DUXA: variants seen among roughly 807,000 people sequenced by gnomAD.
DUXA encodes double homeobox A.
In DUXA, 25 loss-of-function variants were observed where a neutral mutation model predicts 27.5. That is an observed-to-expected ratio of 0.91 (90% CI 0.66 to 1.27). The LOEUF is 1.27. Among genes scored for constraint, DUXA ranks in the 50% most tolerant of loss-of-function variants. DUXA has a pLI of 0.00. For missense variants in DUXA, 247 were observed against 242.9 expected (o/e 1.02, Z -0.11); for synonymous variants, 90 against 80.5 (o/e 1.12, Z -0.63).
intron 4 of DUXA, among the ~76,000 whole-genome samples, chr19:57,157,462 G>T (rs951639662): frequency 2.6e-5 from 4 of 152,010 alleles, no homozygotes; most frequent in African/African-American, 9.7e-5. Context: ...CTGCCAAGTA[G>T]CTGGGACAAC....
chr19:57,163,254 G>A (rs532333067), intron 1 of DUXA, among the ~76,000 whole-genome samples: 12 of 151,848 alleles, frequency 7.9e-5, no homozygotes, highest in East Asian at 3.9e-4. Flanking sequence ...CTGACCCTCC[G>A]GTCTAAGGCA....
At chr19:57,164,580 AAAT>A (rs2087041684) in intron 1 of DUXA, among the ~76,000 whole-genome samples, 4 of 152,184 alleles carry the variant, frequency 2.6e-5, no homozygotes, top group South Asian at 2.1e-4. Context: ...CGTCTCAAAA[AAAT>A]AAAATTAAAA....
chr19:57,163,766 G>C (rs1232994140), intron 1 of DUXA, among the ~76,000 whole-genome samples: 5 of 152,168 alleles, frequency 3.3e-5, no homozygotes, highest in Non-Finnish European at 7.3e-5. Flanking sequence ...TTGTCACATG[G>C]AGTCTGAAAA....
chr19:57,161,395 G>T (rs908846731), intron 1 of DUXA, among the ~76,000 whole-genome samples: 10 of 146,150 alleles, frequency 6.8e-5, no homozygotes, highest in Non-Finnish European at 1.5e-4. Flanking sequence ...AGGCCGAGGC[G>T]GGCGGATCAC....
At chr19:57,165,324 A>ATATATATATATATATATATATATATATGT (rs1555759590) in intron 1 of DUXA, among the ~76,000 whole-genome samples, 2 of 89,268 alleles carry the variant, frequency 2.2e-5, no homozygotes, top group East Asian at 3.1e-4. Flanking sequence ...AAAAAAAAAA[A>ATATATATATATATATATATATATATATGT]ATATATATAT....
chr19:57,154,710 C>T (rs2086983062), intron 5 of DUXA, among the ~76,000 whole-genome samples: 1 of 152,050 alleles, frequency 6.6e-6, no homozygotes, highest in Non-Finnish European at 1.5e-5. Context: ...ACTACAGGCG[C>T]CCGCCACCAC....
At chr19:57,161,329 A>AAAAAAAAAAAAAAAAAAAAAC in intron 1 of DUXA, among the ~76,000 whole-genome samples, 1 of 140,990 alleles carries the variant, frequency 7.1e-6, no homozygotes, top group African/African-American at 2.7e-5. Context: ...TATCTCAAAA[A>AAAAAAAAAAAAAAAAAAAAAC]AAAAAAAAAA....
rs2087007818 is a variant in DUXA, at chr19:57,159,209, T to C, written c.250A>G (p.Ser84Gly). ...KRPEAETLES[S>G]QSQGQDQPGV... Reference sequence around the variant, plus strand: ...GGTTGATCTTGCCCCTGGCTCTGGCTTGATTCTAAAGTCTCAGCTTCTGGT... The same window carrying C: ...GGTTGATCTTGCCCCTGGCTCTGGCCTGATTCTAAAGTCTCAGCTTCTGGT... Residue 84 changes from serine to glycine, a missense_variant, in exon 3 of 6, where the codon AGC becomes GGC. Physicochemically the swap from Ser to Gly is moderately conservative, Grantham distance 56. Coordinates refer to ENST00000554048, the MANE Select transcript of DUXA (RefSeq NM_001012729.2). The C allele has an allele frequency of 1.2e-6, 2 of 1,614,238 alleles. No individual in the cohort carries two copies. The highest frequency in any genetic ancestry group is 1.7e-5 in the Admixed American group (1 of 60,024).
intron 1 of DUXA, among the ~76,000 whole-genome samples, chr19:57,165,723 T>C (rs2087050520): frequency 1.4e-5 from 2 of 144,136 alleles, no homozygotes; most frequent in African/African-American, 5.2e-5. Context: ...GAGAATGGCA[T>C]GAACCCGGGA....
intron 2 of DUXA, 78 bp downstream of exon 2, chr19:57,160,565 A>G (rs1347339614): frequency 1.3e-6 from 2 of 1,528,566 alleles, no homozygotes; most frequent in Admixed American, 3.7e-5. Flanking sequence ...GCACATGGGT[A>G]CATAGTATGG....
chr19:57,160,553 C>T (rs1599931322), intron 2 of DUXA, 90 bp downstream of exon 2: 4 of 1,468,646 alleles, frequency 2.7e-6, no homozygotes, highest in Non-Finnish European at 3.7e-6. Context: ...ACCAAGCCCT[C>T]AGCACATGGG....
At chr19:57,165,803 C>CAAA (rs3082068) in intron 1 of DUXA, among the ~76,000 whole-genome samples, 8 of 95,790 alleles carry the variant, frequency 8.4e-5, no homozygotes, top group Non-Finnish European at 1.4e-4. Flanking sequence ...AGACTCCTCT[C>CAAA]AAAAAAAAAA....
rs548696070 is a variant in DUXA at position 57,165,523 on chromosome 19, T to TG, written c.25+1895dup. The stretch of plus-strand genomic sequence containing the variant: ...TTAACGCCTATTAAAAGCCAGACCC[T>TG]GGCCGGGCACGGTGGCTCACGCCTG... On this transcript the variant is annotated intron_variant, in intron 1 of 5. Coordinates refer to ENST00000554048, the MANE Select transcript of DUXA (RefSeq NM_001012729.2). 4.3e-3 allele frequency among the ~76,000 whole-genome samples: 649 copies of TG among 151,698 alleles called. 4 individuals are homozygous for TG. The highest frequency in any genetic ancestry group is 6.8e-3 in the Middle Eastern group (2 of 294).
chr19:57,167,305 A>G, intron 1 of DUXA, 114 bp downstream of exon 1: 1 of 1,336,536 alleles, frequency 7.5e-7, no homozygotes, highest in Non-Finnish European at 1.1e-6. Context: ...CCCTATCCAG[A>G]TACAGTTAAA....
intron 2 of DUXA, among the ~76,000 whole-genome samples, chr19:57,160,366 G>A (rs1599931267): frequency 1.3e-5 from 2 of 152,212 alleles, no homozygotes; most frequent in East Asian, 3.8e-4. Context: ...TTGGTAAATA[G>A]CTGCTACAAT....
Position 57,154,114 on chromosome 19 carries a change from CT to C in DUXA, c.*297del, listed in dbSNP as rs113063268. 1,372 of 295,334 alleles carry C rather than the reference CT, an allele frequency of 4.6e-3. 28 individuals are homozygous for C. The highest frequency in any genetic ancestry group is 0.028 in the African/African-American group (1,292 of 45,474). The allele number at this position is 295,334 out of a possible 1,614,324, so 18.3% of individuals were successfully genotyped here. On this transcript the variant is annotated 3_prime_UTR_variant, in exon 6 of 6. Transcript: ENST00000554048. ...TGTCAACAGGGTAGTGTGGTACCCCCTGTACCCGTCTCTGCCTCCTACAGTC... is the reference window on the plus strand; with the variant it reads ...TGTCAACAGGGTAGTGTGGTACCCCCGTACCCGTCTCTGCCTCCTACAGTC...
chr19:57,158,469 T>C lies in DUXA; in HGVS notation c.297A>G (p.Arg99=). Residue 99 remains arginine, a synonymous_variant, in exon 4 of 6, where the codon AGA becomes AGG. Transcript: ENST00000554048. ...QDQPGVEFQS[R]EARRCRTTYS... is the part of the protein sequence containing the mutation. ...AGGTGGTACGACACCGTCTGGCTTC[T>C]CTACCTAGGGAAGGCATGGAAAGAT... The C allele has an allele frequency of 6.2e-7, 1 of 1,612,898 alleles. No homozygotes were observed. Among genetic ancestry groups the C allele is most frequent in the East Asian group, 2.2e-5 (1 of 44,844 alleles).
At chr19:57,164,314 G>T (rs950387480) in intron 1 of DUXA, among the ~76,000 whole-genome samples, 6 of 152,124 alleles carry the variant, frequency 3.9e-5, no homozygotes. Flanking sequence ...AGTGGCTCAC[G>T]CCTATAATCC....
In DUXA at chr19:57,155,334, C is replaced by A; in HGVS notation, c.477G>T (p.Gln159His). Residue 159 changes from glutamine to histidine, a missense_variant, in exon 5 of 6, where the codon CAG (glutamine) becomes CAT (histidine). By Grantham distance (24) the Gln-to-His change is conservative (BLOSUM62 0). Transcript: ENST00000554048. ...AGGACGCCACAGGTTCCCTTTTTCT[C>A]TGGAGAAGTAATCTAGATCTTCGAT... ...FQNRRSRLLL[Q>H]RKREPVASLE... The A allele has an allele frequency of 6.2e-7, 1 of 1,614,188 alleles. No homozygotes were observed.
Sources: gnomAD v4.1 joint callset for allele counts (sites outside exome capture counted in the v4.1 genomes callset) on GRCh38, gnomAD v4.1.1 for gene constraint, MANE v1.5 for transcripts, NCBI Gene and HGNC (gene_info 2026-07-23, HGNC 2026-07-21) for gene names.